MACIR: variants seen among roughly 807,000 people sequenced by gnomAD.
MACIR encodes the protein UNC119-binding protein C5orf30.
In MACIR, 4 loss-of-function variants were observed where a neutral mutation model predicts 14.3. That is an observed-to-expected ratio of 0.28 (90% confidence interval 0.14 to 0.64). MACIR has a LOEUF of 0.64. Among genes scored for constraint, MACIR ranks in the 30% least tolerant of loss-of-function variants. MACIR has a pLI of 0.83. For synonymous variants in MACIR, 101 were observed against 102.4 expected (o/e 0.99, Z 0.08); for missense variants, 228 against 257.6 (o/e 0.89, Z 0.79).
intron 1 of MACIR, among the ~76,000 whole-genome samples, chr5:103,264,678 A>T (rs1364281988): frequency 6.6e-6 from 1 of 152,082 alleles, no homozygotes; most frequent in Non-Finnish European, 1.5e-5. Context: ...ACATCTGAAG[A>T]AGTTGCAAAG....
chr5:103,271,758 A>C (rs1420749644), intron 2 of MACIR, among the ~76,000 whole-genome samples: 1 of 152,190 alleles, frequency 6.6e-6, no homozygotes, highest in East Asian at 1.9e-4. Context: ...TTGTTCAATT[A>C]CAAGTTGACG....
chr5:103,269,449 G>A (rs897021569), intron 2 of MACIR, among the ~76,000 whole-genome samples: 2 of 137,388 alleles, frequency 1.5e-5, no homozygotes, highest in African/African-American at 5.3e-5. Context: ...GCTGTATGTT[G>A]CTAAAAAAAA....
intron 1 of MACIR, among the ~76,000 whole-genome samples, chr5:103,260,053 G>C (rs1580559438): frequency 7.6e-6 from 1 of 132,200 alleles, no homozygotes; most frequent in Non-Finnish European, 1.6e-5. Flanking sequence ...AGATTTCCGT[G>C]TGTGTGTGTG....
chr5:103,261,705 C>CTTTCTTCCTTT (rs1562545911), intron 1 of MACIR, among the ~76,000 whole-genome samples: 1 of 62,856 alleles, frequency 1.6e-5, no homozygotes, highest in Non-Finnish European at 3.1e-5. Flanking sequence ...TTTCTTTCTT[C>CTTTCTTCCTTT]CTTTCTTTCT....
At position 103,276,737 on chromosome 5, in the gene MACIR, A is replaced by C. The variant is rs1554237802; in HGVS notation, c.*197A>C. 2.1e-6 allele frequency: 1 copy of C among 481,714 alleles called. No individual in the cohort carries two copies. The highest frequency in any genetic ancestry group is 3.7e-6 in the Non-Finnish European group (1 of 269,160). 29.8% of individuals were successfully genotyped at this position (481,714 alleles called of 1,614,324 possible). A position where few individuals can be genotyped will look rare whatever the true frequency, so the allele number is the denominator to read the frequency against. ...GTACTTGGGGGGGGGATATCATTCT[A>C]GAGCACGCAACTGCAAAGAAAACAG... is the stretch of plus-strand genomic sequence containing the variant. On this transcript the variant is annotated 3_prime_UTR_variant, in exon 3 of 3. Coordinates refer to ENST00000319933, the MANE Select transcript of MACIR (RefSeq NM_033211.4).
chr5:103,266,805 A>G (rs1030652713), intron 2 of MACIR, among the ~76,000 whole-genome samples: 1 of 152,170 alleles, frequency 6.6e-6, no homozygotes, highest in African/African-American at 2.4e-5. Flanking sequence ...CTAAATTTCT[A>G]GTCAGCAGCA....
At chr5:103,263,227 G>C (rs528319919) in intron 1 of MACIR, among the ~76,000 whole-genome samples, 223 of 140,440 alleles carry the variant, frequency 1.6e-3, no homozygotes, top group African/African-American at 5.5e-3. Flanking sequence ...TCCTCCTCCT[G>C]CTCTTCCTCC....
In MACIR at chr5:103,277,731, T is replaced by C. The variant is rs1468672043; in HGVS notation, c.*1191T>C. 6.0e-6 allele frequency: 1 copy of C among 166,948 alleles called. No individual in the cohort carries two copies. The highest frequency in any genetic ancestry group is 1.5e-5 in the Non-Finnish European group (1 of 68,068). The allele number at this position is 166,948 out of a possible 1,614,324, so 10.3% of individuals were successfully genotyped here. On this transcript the variant is annotated 3_prime_UTR_variant, in exon 3 of 3. Transcript: ENST00000319933. ...AATACAGCTCAACTATTCTTGAATA[T>C]ATTTTGAAAAAAAAATGTATGTAAC... is the stretch of plus-strand genomic sequence containing the variant.
At chr5:103,261,387 A>G (rs371840749) in intron 1 of MACIR, among the ~76,000 whole-genome samples, 7 of 152,196 alleles carry the variant, frequency 4.6e-5, no homozygotes, top group African/African-American at 1.7e-4. Context: ...GCAGCTAAAC[A>G]TTTTGTTTTC....
chr5:103,262,317 C>T (rs985249789), intron 1 of MACIR, among the ~76,000 whole-genome samples: 23 of 151,990 alleles, frequency 1.5e-4, no homozygotes, highest in Admixed American at 5.2e-4. Context: ...GAACTCAGAC[C>T]TGTATGGGAA....
intron 1 of MACIR, among the ~76,000 whole-genome samples, chr5:103,263,237 C>CTGCTCT (rs1554236468): frequency 1.9e-4 from 20 of 106,730 alleles, no homozygotes; most frequent in African/African-American, 7.9e-4. Flanking sequence ...GCTCTTCCTC[C>CTGCTCT]TCCTCCTCCT....
chr5:103,272,541 G>A (rs532856810), intron 2 of MACIR, among the ~76,000 whole-genome samples: 1 of 152,260 alleles, frequency 6.6e-6, no homozygotes, highest in South Asian at 2.1e-4. Context: ...TCTCAGGAAT[G>A]TAGTAGCATA....
chr5:103,270,886 A>G (rs370820389), intron 2 of MACIR, among the ~76,000 whole-genome samples: 1 of 152,126 alleles, frequency 6.6e-6, no homozygotes, highest in Admixed American at 6.5e-5. Context: ...CTTTCTCTCC[A>G]TGAGAATTAC....
At chr5:103,273,489 G>A (rs528378266) in intron 2 of MACIR, among the ~76,000 whole-genome samples, 1 of 152,020 alleles carries the variant, frequency 6.6e-6, no homozygotes, top group Non-Finnish European at 1.5e-5. Flanking sequence ...GTACTTCCAG[G>A]TATTTTCTAG....
At chr5:103,260,901 C>T (rs1469712637) in intron 1 of MACIR, among the ~76,000 whole-genome samples, 2 of 152,198 alleles carry the variant, frequency 1.3e-5, no homozygotes, top group Non-Finnish European at 2.9e-5. Flanking sequence ...CAAAGATTAG[C>T]CAATTCCACA....
At chr5:103,264,435 A>G (rs1426578298) in intron 1 of MACIR, among the ~76,000 whole-genome samples, 3 of 152,170 alleles carry the variant, frequency 2.0e-5, no homozygotes, top group African/African-American at 4.8e-5. Flanking sequence ...TTAAAAATCC[A>G]TTAAATAAGA....
intron 1 of MACIR, among the ~76,000 whole-genome samples, chr5:103,260,561 A>G (rs2149918565): frequency 6.6e-6 from 1 of 152,340 alleles, no homozygotes; most frequent in East Asian, 1.9e-4. Context: ...TAATTGATGT[A>G]TAGAATATGC....
At chr5:103,260,030 T>G (rs1458183056) in intron 1 of MACIR, among the ~76,000 whole-genome samples, 1 of 150,294 alleles carries the variant, frequency 6.7e-6, no homozygotes, top group Admixed American at 6.6e-5. Flanking sequence ...GGTTACTGAT[T>G]TGGGTGGAAC....
chr5:103,269,915 A>G (rs1161041289), intron 2 of MACIR, among the ~76,000 whole-genome samples: 2 of 152,152 alleles, frequency 1.3e-5, no homozygotes, highest in Non-Finnish European at 2.9e-5. Flanking sequence ...TTTTGAAGGA[A>G]AGTTTACATT....
Sources: allele counts gnomAD v4.1 joint callset (sites outside exome capture counted in the v4.1 genomes callset), GRCh38; gene constraint gnomAD v4.1.1; transcripts MANE v1.5; gene names NCBI Gene and HGNC (gene_info 2026-07-23, HGNC 2026-07-21).